Variants in RC3H2 observed in about 807,000 individuals in gnomAD.
The protein encoded by RC3H2 is ring finger and CCCH-type domains 2, also known as roquin-2.
A neutral mutation model predicts 133.3 loss-of-function variants in RC3H2; 31 were observed. The observed-to-expected ratio is 0.23, with a 90% CI of 0.17 to 0.31. The LOEUF is 0.31. Among genes scored for constraint, RC3H2 ranks in the 10% least tolerant of loss-of-function variants. RC3H2 has a pLI of 1.00. For missense variants in RC3H2, 1,175 were observed against 1,437.2 expected (o/e 0.82, Z 2.95); for synonymous variants, 517 against 502.2 (o/e 1.03, Z -0.40).
At chr9:122,880,215 G>GT in intron 6 of RC3H2, 90 bp from the exon 7 acceptor site, 1 of 1,380,230 alleles carries the variant, frequency 7.2e-7, no homozygotes. Context: ...TATTTAATAC[G>GT]TTTTCAAGTG....
In RC3H2 at chr9:122,897,210, G is replaced by A. The variant is rs1588114973; in HGVS notation, c.231+69C>T. On this transcript the variant is annotated intron_variant, in intron 2 of 20. Coordinates refer to ENST00000357244, the MANE Select transcript of RC3H2 (RefSeq NM_001100588.3). Reference sequence around the variant, plus strand: ...CACATGTAGCCTGCAGGCTGGACAAGCCGTTAAAATAATGGCAAAAATAGT... The same window carrying A: ...CACATGTAGCCTGCAGGCTGGACAAACCGTTAAAATAATGGCAAAAATAGT... 2.8e-6 allele frequency: 4 copies of A among 1,409,640 alleles called. No individual in the cohort carries two copies. The East Asian group carries it at 9.3e-5, about 33-fold the overall frequency. 87.3% of individuals were successfully genotyped at this position (1,409,640 alleles called of 1,614,324 possible). A position where few individuals can be genotyped will look rare whatever the true frequency, so the allele number is the denominator to read the frequency against.
chr9:122,899,811 T>C (rs1588117614), intron 1 of RC3H2, among the ~76,000 whole-genome samples: 1 of 152,366 alleles, frequency 6.6e-6, no homozygotes, highest in African/African-American at 2.4e-5. Context: ...TAAATATTTA[T>C]GAAAACAGGA....
Position 122,846,444 on chromosome 9 carries a change from T to C in RC3H2, c.*3183A>G, listed in dbSNP as rs964657964. 1 of 152,182 alleles carries C rather than the reference T, an allele frequency of 6.6e-6. No homozygotes were observed. Among genetic ancestry groups the C allele is most frequent in the African/African-American group, 2.4e-5 (1 of 41,440 alleles). The allele number at this position is 152,182 out of a possible 1,614,324, so 9.4% of individuals were successfully genotyped here. On this transcript the variant is annotated 3_prime_UTR_variant, in exon 21 of 21. Transcript: ENST00000357244. ...AGCAAAGGCAAGGGAATCTGCTTTG[T>C]TCAGGTACCAACTAGAAAAAATATA...
chr9:122,892,388 C>T (rs1167585646), intron 3 of RC3H2, among the ~76,000 whole-genome samples: 1 of 151,994 alleles, frequency 6.6e-6, no homozygotes, highest in Non-Finnish European at 1.5e-5. Flanking sequence ...GCTCAGATTA[C>T]AGGCATGAAG....
In RC3H2 at chr9:122,897,518, C is replaced by A; in HGVS notation, c.-9G>T. 1 of 1,610,568 alleles carries A rather than the reference C, an allele frequency of 6.2e-7. No homozygotes were observed. The highest frequency in any genetic ancestry group is 1.3e-5 in the African/African-American group (1 of 75,028). On this transcript the variant is annotated 5_prime_UTR_variant, in exon 2 of 21. Coordinates refer to ENST00000357244, the MANE Select transcript of RC3H2 (RefSeq NM_001100588.3). Reference sequence around the variant, plus strand: ...GCTGCCTGCACAGGCATTGTGGAAGCTGGATGCTCGGGTTAGCAGTCTAGC... The same window carrying A: ...GCTGCCTGCACAGGCATTGTGGAAGATGGATGCTCGGGTTAGCAGTCTAGC...
At chr9:122,902,873 AT>A (rs1832709621) in intron 1 of RC3H2, among the ~76,000 whole-genome samples, 1 of 151,928 alleles carries the variant, frequency 6.6e-6, no homozygotes, top group Non-Finnish European at 1.5e-5. Flanking sequence ...AAAAGTTAAA[AT>A]AGCTAAAATT....
chr9:122,856,339 A>C (rs906521084), intron 13 of RC3H2, among the ~76,000 whole-genome samples: 1 of 152,198 alleles, frequency 6.6e-6, no homozygotes, highest in Non-Finnish European at 1.5e-5. Context: ...AGCAGCCTCG[A>C]CTTCCCAGGC....
intron 9 of RC3H2, among the ~76,000 whole-genome samples, chr9:122,876,673 A>G (rs545103923): frequency 5.9e-5 from 9 of 152,216 alleles, no homozygotes; most frequent in African/African-American, 1.7e-4. Flanking sequence ...AAAGTAGAAA[A>G]GCTGGGATCA....
At chr9:122,859,456 G>A (rs1428544561) in intron 11 of RC3H2, among the ~76,000 whole-genome samples, 1 of 151,972 alleles carries the variant, frequency 6.6e-6, no homozygotes, top group Admixed American at 6.6e-5. Flanking sequence ...TTGCTAAAGT[G>A]CTCCTTAAAA....
chr9:122,879,351 G>A (rs190471451), intron 8 of RC3H2, among the ~76,000 whole-genome samples: 11 of 151,628 alleles, frequency 7.3e-5, no homozygotes, highest in South Asian at 2.1e-4. Flanking sequence ...CTGAGATAGC[G>A]TCACTGCACT....
intron 4 of RC3H2, among the ~76,000 whole-genome samples, chr9:122,889,653 T>C (rs1832075986): frequency 6.6e-6 from 1 of 151,928 alleles, no homozygotes; most frequent in African/African-American, 2.4e-5. Flanking sequence ...AGTTTAAACA[T>C]TTTTTTTCAG....
At chr9:122,891,784 C>A (rs1230054901) in intron 3 of RC3H2, among the ~76,000 whole-genome samples, 1 of 152,166 alleles carries the variant, frequency 6.6e-6, no homozygotes, top group Non-Finnish European at 1.5e-5. Flanking sequence ...TCAACAGGTA[C>A]AAAATACTCA....
At chr9:122,885,452 T>A (rs991069832) in intron 4 of RC3H2, among the ~76,000 whole-genome samples, 7 of 152,140 alleles carry the variant, frequency 4.6e-5, no homozygotes, top group Admixed American at 1.3e-4. Context: ...AATACAAACC[T>A]TTTTTCTAAG....
chr9:122,892,569 G>A (rs1158649502), intron 3 of RC3H2, among the ~76,000 whole-genome samples: 2 of 152,030 alleles, frequency 1.3e-5, no homozygotes, highest in African/African-American at 2.4e-5. Context: ...CTGCCAAGAC[G>A]CCCGGCTAAT....
intron 5 of RC3H2, among the ~76,000 whole-genome samples, chr9:122,882,986 T>TA (rs1427708482): frequency 2.4e-4 from 37 of 152,370 alleles, no homozygotes; most frequent in African/African-American, 8.7e-4. Context: ...TTCTTTCCGT[T>TA]ACTGACATCT....
At chr9:122,902,015 C>G (rs1395134491) in intron 1 of RC3H2, among the ~76,000 whole-genome samples, 1 of 151,174 alleles carries the variant, frequency 6.6e-6, no homozygotes, top group Admixed American at 6.6e-5. Flanking sequence ...CTGCAACCTC[C>G]GTCTCCCGGG....
At position 122,892,892 on chromosome 9, in the gene RC3H2, G is replaced by A; in HGVS notation, c.349+17C>T. On this transcript the variant is annotated intron_variant, in intron 3 of 20. Coordinates refer to ENST00000357244, the MANE Select transcript of RC3H2 (RefSeq NM_001100588.3). ...CCAAGTCCTACTTATCAGTAAAAATGCATTTTATGAACTTACCTTTACCTC... is the reference window on the plus strand; with the variant it reads ...CCAAGTCCTACTTATCAGTAAAAATACATTTTATGAACTTACCTTTACCTC... The A allele has an allele frequency of 6.3e-7, 1 of 1,592,954 alleles. No homozygotes were observed. The highest frequency in any genetic ancestry group is 1.3e-5 in the African/African-American group (1 of 74,596).
chr9:122,866,064 A>G (rs1830635408), intron 9 of RC3H2, among the ~76,000 whole-genome samples: 2 of 152,226 alleles, frequency 1.3e-5, no homozygotes, highest in Admixed American at 1.3e-4. Context: ...CACAGAGTAA[A>G]GAGAAAAGGT....
rs1160434188 is a variant in RC3H2, at chr9:122,880,056, G to T, written c.1030C>A (p.Pro344Thr). The T allele has an allele frequency of 6.2e-7, 1 of 1,613,998 alleles. No homozygotes were observed. Reference protein sequence around the residue: ...LTIVLQRTGDPANLNRLRPHL... With the variant: ...LTIVLQRTGDTANLNRLRPHL... ...GGCCTCAGTCTATTTAAGTTAGCTG[G>T]GTCACCTGTTCGTTGCAAAACAATT... The change falls in exon 7 of 21, where the codon CCA (proline) becomes ACA (threonine). Residue 344 changes from proline to threonine, a missense_variant. Around this residue, in one of 8 missense-constraint regions of RC3H2, gnomAD observed 131 missense variants for 154.2 expected, o/e 0.85. Transcript: ENST00000357244.
Sources: allele counts gnomAD v4.1 joint callset (sites outside exome capture counted in the v4.1 genomes callset), GRCh38; gene constraint gnomAD v4.1.1; regional missense constraint gnomAD v4.1.1; transcripts MANE v1.5; gene names NCBI Gene and HGNC (gene_info 2026-07-23, HGNC 2026-07-21).